The following CSGALNACT1 variants were observed in gnomAD, a reference collection of about 807,000 sequenced individuals.
CSGALNACT1 encodes the protein beta4GalNAcT-1.
In CSGALNACT1, 52 loss-of-function variants were observed where a neutral mutation model predicts 51.0. The observed-to-expected ratio is 1.02, with a 90% confidence interval of 0.82 to 1.29. CSGALNACT1 has a LOEUF of 1.29. CSGALNACT1 is among the 50% of genes most tolerant of loss of function. The pLI is 0.00. For synonymous variants in CSGALNACT1, 341 were observed against 254.4 expected (o/e 1.34, Z -3.24); for missense variants, 935 against 679.2 (o/e 1.38, Z -4.19).
At chr8:19,614,150 T>G (rs1156915551) in intron 1 of CSGALNACT1, among the ~76,000 whole-genome samples, 1 of 152,212 alleles carries the variant, frequency 6.6e-6, no homozygotes, top group Non-Finnish European at 1.5e-5. Context: ...TTTAAAAACG[T>G]GTATTGATCA....
At chr8:19,521,402 G>A (rs2080666325) in intron 3 of CSGALNACT1, among the ~76,000 whole-genome samples, 1 of 152,218 alleles carries the variant, frequency 6.6e-6, no homozygotes, top group African/African-American at 2.4e-5. Flanking sequence ...GGGCCCAGGG[G>A]GCCGGCACGG....
chr8:19,472,475 T>C (rs1167340469), intron 4 of CSGALNACT1, among the ~76,000 whole-genome samples: 1 of 152,242 alleles, frequency 6.6e-6, no homozygotes, highest in Non-Finnish European at 1.5e-5. Context: ...TCAAACCCTG[T>C]TCACAAATAT....
chr8:19,646,014 T>A (rs184102856), intron 1 of CSGALNACT1, among the ~76,000 whole-genome samples: 2 of 152,208 alleles, frequency 1.3e-5, no homozygotes, highest in East Asian at 3.9e-4. Flanking sequence ...AATAAGCCTT[T>A]TAATTAAAAG....
In CSGALNACT1 at chr8:19,635,206, C is replaced by T. The variant is rs117148498; in HGVS notation, c.-543-33341G>A. Among the ~76,000 whole-genome samples the T allele has an allele frequency of 8.1e-4, 123 of 152,276 alleles. No homozygotes were observed. In the East Asian group the frequency reaches 0.022, roughly 27 times the overall value. ...AGGGAGGGAGAAGACAGCTACCCGT[C>T]CTCTCCTGAGCCCACACTGGTGGAA... On this transcript the variant is annotated intron_variant, in intron 1 of 9. Coordinates refer to the CSGALNACT1 transcript ENST00000332246.
intron 8 of CSGALNACT1, among the ~76,000 whole-genome samples, chr8:19,411,005 T>C (rs1297198809): frequency 6.6e-6 from 1 of 152,194 alleles, no homozygotes; most frequent in Non-Finnish European, 1.5e-5. Context: ...CTGCAAGGGT[T>C]CCCTAATCGT....
intron 1 of CSGALNACT1, among the ~76,000 whole-genome samples, chr8:19,756,896 C>G (rs1383731374): frequency 6.6e-6 from 1 of 151,964 alleles, no homozygotes; most frequent in Non-Finnish European, 1.5e-5. Flanking sequence ...GCAGCGGCCC[C>G]GGACCCTCCC....
chr8:19,507,768 C>T (rs1325640653), intron 3 of CSGALNACT1, among the ~76,000 whole-genome samples: 1 of 152,168 alleles, frequency 6.6e-6, no homozygotes, highest in Non-Finnish European at 1.5e-5. Context: ...GCTGGGACTA[C>T]AGGCACGCAT....
intron 3 of CSGALNACT1, among the ~76,000 whole-genome samples, chr8:19,546,426 T>C (rs1360204939): frequency 1.3e-5 from 2 of 152,216 alleles, no homozygotes; most frequent in Admixed American, 1.3e-4. Context: ...ATTAAGGACT[T>C]TGTGGTCATG....
At chr8:19,681,445 C>G (rs187906587) in intron 1 of CSGALNACT1, among the ~76,000 whole-genome samples, 1 of 152,106 alleles carries the variant, frequency 6.6e-6, no homozygotes, top group Admixed American at 6.6e-5. Context: ...AGACTTCTGT[C>G]GCCACCAGCA....
At chr8:19,539,867 G>C (rs1397353559) in intron 3 of CSGALNACT1, among the ~76,000 whole-genome samples, 1 of 152,186 alleles carries the variant, frequency 6.6e-6, no homozygotes, top group Non-Finnish European at 1.5e-5. Flanking sequence ...TGGCCTTGGA[G>C]GGAGGGGGAC....
intron 1 of CSGALNACT1, among the ~76,000 whole-genome samples, chr8:19,656,440 GCAAA>G (rs980039716): frequency 2.6e-5 from 4 of 152,026 alleles, no homozygotes; most frequent in Non-Finnish European, 4.4e-5. Context: ...CTTAGCAGTA[GCAAA>G]CAAACTTTCT....
intron 1 of CSGALNACT1, among the ~76,000 whole-genome samples, chr8:19,668,115 C>A (rs2059528206): frequency 6.6e-6 from 1 of 151,714 alleles, no homozygotes; most frequent in Non-Finnish European, 1.5e-5. Flanking sequence ...GAAACATGGT[C>A]ATCTACACAA....
At chr8:19,444,446 A>G (rs1320071594) in intron 5 of CSGALNACT1, among the ~76,000 whole-genome samples, 1 of 152,154 alleles carries the variant, frequency 6.6e-6, no homozygotes, top group Non-Finnish European at 1.5e-5. Context: ...GCATACGTGT[A>G]TGTGTGTAAT....
intron 1 of CSGALNACT1, among the ~76,000 whole-genome samples, chr8:19,747,046 T>C (rs1007658636): frequency 1.3e-5 from 2 of 152,210 alleles, no homozygotes; most frequent in African/African-American, 4.8e-5. Context: ...CCCCTCCTCA[T>C]GCTTTCAAGC....
At chr8:19,412,776 GGGA>G (rs145286383) in intron 8 of CSGALNACT1, among the ~76,000 whole-genome samples, 2,053 of 152,208 alleles carry the variant, frequency 0.013, 40 homozygotes, top group African/African-American at 0.047. Flanking sequence ...TTTCTGGCCT[GGGA>G]GGAGAAGACT....
chr8:19,554,475 T>G (rs1400844915), intron 3 of CSGALNACT1, among the ~76,000 whole-genome samples: 1 of 81,144 alleles, frequency 1.2e-5, no homozygotes, highest in Admixed American at 1.1e-4. Flanking sequence ...AAGGAAGATA[T>G]AAAATAGAAA....
At chr8:19,449,736 C>T (rs1315970208) in intron 5 of CSGALNACT1, among the ~76,000 whole-genome samples, 2 of 151,662 alleles carry the variant, frequency 1.3e-5, no homozygotes, top group African/African-American at 4.8e-5. Context: ...AGGAATATAG[C>T]AACATGAAAA....
intron 3 of CSGALNACT1, among the ~76,000 whole-genome samples, chr8:19,562,193 C>A (rs1050415127): frequency 6.6e-6 from 1 of 152,112 alleles, no homozygotes; most frequent in African/African-American, 2.4e-5. Flanking sequence ...CAAATAGAAC[C>A]CAGGCTTAAA....
intron 1 of CSGALNACT1, among the ~76,000 whole-genome samples, chr8:19,737,137 T>A (rs967400571): frequency 2.6e-5 from 4 of 152,166 alleles, no homozygotes; most frequent in African/African-American, 9.7e-5. Context: ...ATTTTACACC[T>A]AATGAAACTA....
Sources: allele counts gnomAD v4.1 joint callset (sites outside exome capture counted in the v4.1 genomes callset), GRCh38; gene constraint gnomAD v4.1.1; transcripts MANE v1.5; gene names NCBI Gene and HGNC (gene_info 2026-07-23, HGNC 2026-07-21).